TMIGD3: variants seen among roughly 807,000 people sequenced by gnomAD.
The protein encoded by TMIGD3 is transmembrane and immunoglobulin domain containing 3.
In TMIGD3, 21 loss-of-function variants were observed where a neutral mutation model predicts 28.1. The ratio of observed to expected loss-of-function variants is 0.75; its 90% confidence interval spans 0.53 to 1.08. The LOEUF (loss-of-function observed/expected upper bound fraction) is 1.08, where lower values mean the gene tolerates loss of function less well. Among genes scored for constraint, TMIGD3 ranks in the 50% least tolerant of loss-of-function variants. TMIGD3 has a pLI of 0.00. For missense variants in TMIGD3, 416 were observed against 435.6 expected (o/e 0.96, Z 0.40); for synonymous variants, 151 against 162.1 (o/e 0.93, Z 0.52).
rs749499738 is a variant in TMIGD3 at position 111,503,159 on chromosome 1, T to G, written c.196A>C (p.Met66Leu). ...AGGCTGACAACAATGGCCAAAGGCATGACCAGCACCCCAACAGCAATGTCA... is the reference window on the plus strand; with the variant it reads ...AGGCTGACAACAATGGCCAAAGGCAGGACCAGCACCCCAACAGCAATGTCA... ...LADIAVGVLV[M>L]PLAIVVSLGI... Residue 66 changes from methionine to leucine, a missense_variant, in exon 1 of 6, where the codon ATG (methionine) becomes CTG (leucine). Physicochemically the swap from Met to Leu is conservative, Grantham distance 15 (BLOSUM62 2). Coordinates refer to ENST00000369716, the MANE Select transcript of TMIGD3 (RefSeq NM_020683.7). 1 of 1,614,130 alleles carries G rather than the reference T, an allele frequency of 6.2e-7. No homozygotes were observed. Among genetic ancestry groups the G allele is most frequent in the East Asian group, 2.2e-5 (1 of 44,898 alleles).
chr1:111,503,916 G>A, upstream of TMIGD3: 5 of 985,396 alleles, frequency 5.1e-6, no homozygotes, highest in African/African-American at 1.7e-5. Context: ...TCAGGTGGGA[G>A]CAGAGCTGGA....
At chr1:111,551,892 G>A (rs191574901) in intron 1 of TMIGD3, among the ~76,000 whole-genome samples, 1 of 152,158 alleles carries the variant, frequency 6.6e-6, no homozygotes, top group Admixed American at 6.5e-5. Context: ...GTAAACTAGA[G>A]GGGAGAAATC....
chr1:111,488,297 A>G (rs1265074611), intron 3 of TMIGD3, among the ~76,000 whole-genome samples: 11 of 151,684 alleles, frequency 7.3e-5, no homozygotes, highest in Non-Finnish European at 1.3e-4. Flanking sequence ...ATCTCGGCTC[A>G]CTGCAACCTC....
chr1:111,500,026 A>C, intron 1 of TMIGD3: 1 of 1,614,222 alleles, frequency 6.2e-7, no homozygotes, highest in Non-Finnish European at 8.5e-7. Flanking sequence ...GAGGATCAAA[A>C]GGTAGGTTTC....
intron 1 of TMIGD3, among the ~76,000 whole-genome samples, chr1:111,511,080 T>G (rs1000035687): frequency 2.6e-5 from 4 of 152,204 alleles, no homozygotes; most frequent in Non-Finnish European, 4.4e-5. Flanking sequence ...GCACCCCACC[T>G]ATTTCCACAA....
chr1:111,556,269 G>T (rs1247245064), intron 1 of TMIGD3, among the ~76,000 whole-genome samples: 1 of 152,150 alleles, frequency 6.6e-6, no homozygotes, highest in Non-Finnish European at 1.5e-5. Context: ...CACTCACACA[G>T]ATAACAAGTA....
At chr1:111,555,200 T>C (rs1035542662) in intron 1 of TMIGD3, among the ~76,000 whole-genome samples, 3 of 151,604 alleles carry the variant, frequency 2.0e-5, no homozygotes, top group Non-Finnish European at 4.4e-5. Flanking sequence ...ACCCTGTCTC[T>C]ACTAAAAACA....
Position 111,491,170 on chromosome 1 carries a change from A to T in TMIGD3, c.351-408T>A, listed in dbSNP as rs889840130. ...AGGAATCCTAGTAATCAGATTTCTAACTAACCCAGCTCCCAAGTGGACACT... is the reference window on the plus strand; with the variant it reads ...AGGAATCCTAGTAATCAGATTTCTATCTAACCCAGCTCCCAAGTGGACACT... On this transcript the variant is annotated intron_variant, in intron 1 of 5. Transcript: ENST00000369716. Among the ~76,000 whole-genome samples, 8 of 152,266 alleles carry T rather than the reference A, an allele frequency of 5.3e-5. No individual in the cohort carries two copies. In the South Asian group the frequency reaches 1.4e-3, roughly 28 times the overall value.
At chr1:111,563,362 T>TAAGAC (rs1370221206) in intron 1 of TMIGD3, among the ~76,000 whole-genome samples, 1 of 152,202 alleles carries the variant, frequency 6.6e-6, no homozygotes, top group Non-Finnish European at 1.5e-5. Flanking sequence ...TCTGGGGAGA[T>TAAGAC]AAGACATTCA....
At chr1:111,507,144 T>G (rs1420454478), upstream of TMIGD3, among the ~76,000 whole-genome samples, 2 of 151,560 alleles carry the variant, frequency 1.3e-5, no homozygotes, top group Non-Finnish European at 2.9e-5. Flanking sequence ...TAGAAGAGGC[T>G]GGGTGTGGTG....
At chr1:111,526,291 G>A (rs1439297600) in intron 1 of TMIGD3, among the ~76,000 whole-genome samples, 1 of 152,066 alleles carries the variant, frequency 6.6e-6, no homozygotes, top group Non-Finnish European at 1.5e-5. Flanking sequence ...GGGACCTAGT[G>A]GGAGGTAATT....
At chr1:111,562,988 C>T (rs988367297) in intron 1 of TMIGD3, among the ~76,000 whole-genome samples, 3 of 152,222 alleles carry the variant, frequency 2.0e-5, no homozygotes, top group African/African-American at 7.2e-5. Context: ...TTTTGAAATT[C>T]TCACAACAGC....
intron 1 of TMIGD3, among the ~76,000 whole-genome samples, chr1:111,534,320 T>A (rs1408106157): frequency 6.6e-6 from 1 of 152,154 alleles, no homozygotes; most frequent in Non-Finnish European, 1.5e-5. Flanking sequence ...GAAACTGTAG[T>A]GTACATGACA....
At chr1:111,526,250 G>A (rs1656257035) in intron 1 of TMIGD3, among the ~76,000 whole-genome samples, 1 of 152,110 alleles carries the variant, frequency 6.6e-6, no homozygotes, top group Non-Finnish European at 1.5e-5. Context: ...ATCTTGAATT[G>A]TAGTTCCCAT....
chr1:111,499,778 G>A (rs1340077043), intron 1 of TMIGD3: 1 of 1,441,470 alleles, frequency 6.9e-7, no homozygotes, highest in African/African-American at 1.4e-5. Flanking sequence ...ATGAAGTGGA[G>A]GAAGAGAGTA....
chr1:111,555,362 TAAAAA>T (rs397981230), intron 1 of TMIGD3, among the ~76,000 whole-genome samples: 308 of 47,622 alleles, frequency 6.5e-3, no homozygotes, highest in African/African-American at 0.035. Context: ...TGAGACTCTG[TAAAAA>T]AAAAAAAAAA....
intron 1 of TMIGD3, among the ~76,000 whole-genome samples, chr1:111,529,283 TA>T (rs1397663888): frequency 6.6e-6 from 1 of 152,056 alleles, no homozygotes; most frequent in African/African-American, 2.4e-5. Context: ...AAGCAACCCC[TA>T]CACTCTTCCA....
chr1:111,559,537 G>T (rs533464114), intron 1 of TMIGD3, among the ~76,000 whole-genome samples: 1 of 151,996 alleles, frequency 6.6e-6, no homozygotes, highest in East Asian at 1.9e-4. Context: ...TTCTCACTTT[G>T]CCTCCTTTTT....
At chr1:111,500,611 G>C in intron 1 of TMIGD3, 1 of 1,540,160 alleles carries the variant, frequency 6.5e-7, no homozygotes, top group South Asian at 1.2e-5. Flanking sequence ...AAAGGGTAGG[G>C]GAGATGGAGC....
Sources: gnomAD v4.1 joint callset for allele counts (sites outside exome capture counted in the v4.1 genomes callset) on GRCh38, gnomAD v4.1.1 for gene constraint, MANE v1.5 for transcripts, NCBI Gene and HGNC (gene_info 2026-07-23, HGNC 2026-07-21) for gene names.